The following KLF12 variants were observed in gnomAD, a reference collection of about 807,000 sequenced individuals.
The protein encoded by KLF12 is KLF transcription factor 12.
KLF12 carries 9 observed loss-of-function variants against 37.8 expected under a neutral mutation model. That is an observed-to-expected ratio of 0.24 (90% CI 0.14 to 0.42). The LOEUF (loss-of-function observed/expected upper bound fraction) is 0.42, where lower values mean the gene tolerates loss of function less well. KLF12 is among the 10% of genes least tolerant of loss of function. The pLI, the probability that KLF12 is intolerant of heterozygous loss-of-function variation, is 1.00. For missense variants in KLF12, 411 were observed against 516.0 expected (o/e 0.80, Z 1.97); for synonymous variants, 208 against 202.1 (o/e 1.03, Z -0.25).
At chr13:73,849,456 G>A (rs900281165) in intron 3 of KLF12, among the ~76,000 whole-genome samples, 27 of 151,146 alleles carry the variant, frequency 1.8e-4, no homozygotes, top group Admixed American at 3.3e-4. Flanking sequence ...CAGGAAGGGA[G>A]CACTACAAAT....
chr13:74,209,793 A>T, the KLF12 span, among the ~76,000 whole-genome samples: 3 of 152,178 alleles, frequency 2.0e-5, no homozygotes, highest in Admixed American at 6.5e-5. Context: ...AGTGCCCAAT[A>T]ATTATTAACT....
At chr13:73,796,224 C>T (rs1027892625) in intron 5 of KLF12, among the ~76,000 whole-genome samples, 20 of 152,128 alleles carry the variant, frequency 1.3e-4, no homozygotes, top group African/African-American at 4.1e-4. Flanking sequence ...TCTCATCTCC[C>T]TTACACATTT....
At position 73,922,426 on chromosome 13, in the gene KLF12, A is replaced by G. The variant is rs142106955; in HGVS notation, c.123+21555T>C. 9.5e-3 allele frequency among the ~76,000 whole-genome samples: 1,443 copies of G among 152,338 alleles called. 26 individuals carry two copies. The highest frequency in any genetic ancestry group is 0.032 in the African/African-American group (1,338 of 41,570). On this transcript the variant is annotated intron_variant, in intron 3 of 7. Transcript: ENST00000377669. ...CAAAATCAAGAAGCTGCACAGCCAA[A>G]GAGAAATTAGGAATTTGATTTTGGA...
At chr13:74,194,152 A>G in the KLF12 span, among the ~76,000 whole-genome samples, 22 of 152,202 alleles carry the variant, frequency 1.4e-4, no homozygotes, top group Non-Finnish European at 2.8e-4. Context: ...TGCATGATAT[A>G]TAACACTTCT....
intron 2 of KLF12, among the ~76,000 whole-genome samples, chr13:73,972,024 T>C (rs561120200): frequency 6.6e-6 from 1 of 152,314 alleles, no homozygotes; most frequent in South Asian, 2.1e-4. Flanking sequence ...AAGTGTTCAT[T>C]AAATCAAACC....
At chr13:73,781,540 G>A (rs1039345136) in intron 5 of KLF12, among the ~76,000 whole-genome samples, 2 of 152,122 alleles carry the variant, frequency 1.3e-5, no homozygotes, top group African/African-American at 4.8e-5. Flanking sequence ...AAGACAAACT[G>A]AATTTACAAA....
chr13:74,127,755 C>A (rs530705204), intron 1 of KLF12, among the ~76,000 whole-genome samples: 3 of 152,190 alleles, frequency 2.0e-5, no homozygotes, highest in African/African-American at 7.2e-5. Context: ...TCATTATCTA[C>A]CTTTATTGTG....
intron 6 of KLF12, among the ~76,000 whole-genome samples, chr13:73,751,154 T>G (rs994344869): frequency 2.6e-5 from 4 of 152,186 alleles, no homozygotes; most frequent in African/African-American, 9.7e-5. Context: ...GATAGACACT[T>G]AGGTTGATTC....
chr13:74,007,526 C>T (rs981653849), intron 1 of KLF12, among the ~76,000 whole-genome samples: 1 of 152,100 alleles, frequency 6.6e-6, no homozygotes, highest in Admixed American at 6.5e-5. Context: ...CCGCCCGCCT[C>T]GGCCTCCCAG....
chr13:74,030,464 A>G lies in KLF12; in HGVS notation c.-31-35411T>C, dbSNP rs529979033. ...TCAACTTCTTTCATTAGAAAAGAGG[A>G]TATTTCACCCTACCTTAAGATGGGC... On this transcript the variant is annotated intron_variant, in intron 1 of 7. Coordinates refer to ENST00000377669, the MANE Select transcript of KLF12 (RefSeq NM_007249.5). 3.5e-4 allele frequency among the ~76,000 whole-genome samples: 54 copies of G among 152,198 alleles called. No individual in the cohort carries two copies. The South Asian group carries it at 6.6e-3, about 19-fold the overall frequency.
intron 6 of KLF12, among the ~76,000 whole-genome samples, chr13:73,764,078 G>A (rs2325558): frequency 0.73 from 111,638 of 151,934 alleles, 41,381 homozygotes; most frequent in South Asian, 0.82. Flanking sequence ...AATCTTTGGT[G>A]ATCATCTTCC....
the KLF12 span, among the ~76,000 whole-genome samples, chr13:74,295,444 T>C: frequency 6.6e-6 from 1 of 152,206 alleles, no homozygotes; most frequent in African/African-American, 2.4e-5. Flanking sequence ...CTAAGGAGCC[T>C]GAGCCTTTGT....
At chr13:73,720,084 G>T (rs1370228803) in intron 6 of KLF12, among the ~76,000 whole-genome samples, 2 of 152,050 alleles carry the variant, frequency 1.3e-5, no homozygotes, top group African/African-American at 4.8e-5. Flanking sequence ...TAGGATGCTG[G>T]TGAATGAAAT....
intron 3 of KLF12, among the ~76,000 whole-genome samples, chr13:73,884,715 G>T (rs12428146): frequency 0.032 from 4,808 of 152,312 alleles, 99 homozygotes; most frequent in South Asian, 0.058. Context: ...TAATATGACT[G>T]AAGAGTTTTT....
At chr13:73,782,850 T>A (rs1202999301) in intron 5 of KLF12, among the ~76,000 whole-genome samples, 3 of 152,204 alleles carry the variant, frequency 2.0e-5, no homozygotes, top group African/African-American at 7.2e-5. Flanking sequence ...GGGCTCTAAT[T>A]TGTCAAGCTG....
intron 5 of KLF12, among the ~76,000 whole-genome samples, chr13:73,812,041 G>C (rs1434388135): frequency 6.6e-6 from 1 of 152,108 alleles, no homozygotes; most frequent in Non-Finnish European, 1.5e-5. Flanking sequence ...ATAATTTTGA[G>C]TGAACTGTTC....
chr13:74,049,967 G>C (rs1461794594), intron 1 of KLF12, among the ~76,000 whole-genome samples: 3 of 107,178 alleles, frequency 2.8e-5, no homozygotes, highest in African/African-American at 1.1e-4. Context: ...TCTGGTGATG[G>C]TGGTTTTGTT....
chr13:74,304,071 T>C, the KLF12 span, among the ~76,000 whole-genome samples: 9 of 152,234 alleles, frequency 5.9e-5, no homozygotes, highest in South Asian at 8.3e-4. Flanking sequence ...CATAACTCCA[T>C]GCTGATCCCT....
chr13:74,134,276 C>G (rs1026524053), upstream of KLF12, among the ~76,000 whole-genome samples: 1 of 152,022 alleles, frequency 6.6e-6, no homozygotes, highest in Admixed American at 6.5e-5. Context: ...CGGCGAGCCC[C>G]GGGGTGGGGC....
Sources: gnomAD v4.1 joint callset for allele counts (sites outside exome capture counted in the v4.1 genomes callset) on GRCh38, gnomAD v4.1.1 for gene constraint, MANE v1.5 for transcripts, NCBI Gene and HGNC (gene_info 2026-07-23, HGNC 2026-07-21) for gene names.